Variants in PDE7B observed in about 807,000 individuals in gnomAD.
PDE7B encodes 3',5'-cyclic-AMP phosphodiesterase 7B.
PDE7B carries 29 observed loss-of-function variants against 56.2 expected under a neutral mutation model. That is an observed-to-expected ratio of 0.52 (90% CI 0.38 to 0.70). The LOEUF (loss-of-function observed/expected upper bound fraction) is 0.70, where lower values mean the gene tolerates loss of function less well. PDE7B is among the 30% of genes least tolerant of loss of function. PDE7B has a pLI of 0.00. For missense variants in PDE7B, 490 were observed against 565.0 expected (o/e 0.87, Z 1.35); for synonymous variants, 197 against 196.9 (o/e 1.00, Z 0.00).
intron 2 of PDE7B, among the ~76,000 whole-genome samples, chr6:135,955,959 C>G (rs1041032843): frequency 4.6e-5 from 7 of 152,114 alleles, no homozygotes; most frequent in African/African-American, 1.7e-4. Context: ...AGGAACTTTC[C>G]ACTGCAGCAC....
intron 2 of PDE7B, among the ~76,000 whole-genome samples, chr6:136,068,736 G>A (rs988434993): frequency 6.6e-6 from 1 of 152,086 alleles, no homozygotes; most frequent in Non-Finnish European, 1.5e-5. Context: ...CGGCCTTCAA[G>A]ATTCTTATTA....
chr6:136,177,349 A>T (rs569072153), intron 9 of PDE7B, among the ~76,000 whole-genome samples: 5 of 152,228 alleles, frequency 3.3e-5, no homozygotes, highest in African/African-American at 1.2e-4. Context: ...AGACTTCATC[A>T]ATAGACATCA....
In PDE7B at chr6:136,118,528, A is replaced by G. The variant is rs377152100; in HGVS notation, c.166+9714A>G. 6.7e-4 allele frequency among the ~76,000 whole-genome samples: 102 copies of G among 152,348 alleles called. 3 individuals carry two copies. The South Asian group carries it at 0.021, about 32-fold the overall frequency. On this transcript the variant is annotated intron_variant, in intron 3 of 12. Coordinates refer to ENST00000308191, the MANE Select transcript of PDE7B (RefSeq NM_018945.4). ...ATAAACACCCTATAAAGTAGCCACT[A>G]CTATTACAGATGAGGAAACTGAGAC...
chr6:136,065,220 T>G (rs1776913274), intron 2 of PDE7B, among the ~76,000 whole-genome samples: 1 of 152,184 alleles, frequency 6.6e-6, no homozygotes, highest in South Asian at 2.1e-4. Context: ...TAAAATTATG[T>G]TATTAACCAT....
chr6:136,071,241 A>T (rs1777045403), intron 2 of PDE7B: 1 of 152,200 alleles, frequency 6.6e-6, no homozygotes, highest in Non-Finnish European at 1.5e-5. Flanking sequence ...TTAATGTGCC[A>T]TTTCCACTGT....
intron 5 of PDE7B, among the ~76,000 whole-genome samples, 156 bp from the exon 6 acceptor site, chr6:136,151,004 G>A (rs1164506164): frequency 6.6e-6 from 1 of 151,758 alleles, no homozygotes; most frequent in East Asian, 1.9e-4. Flanking sequence ...TCAGATCATA[G>A]TAATAATATG....
chr6:135,979,342 T>A (rs1775251652), intron 2 of PDE7B, among the ~76,000 whole-genome samples: 1 of 151,924 alleles, frequency 6.6e-6, no homozygotes, highest in Admixed American at 6.6e-5. Context: ...AATTCCCTTT[T>A]GTGGTTGTGT....
At chr6:135,878,359 A>G (rs966619396) in intron 1 of PDE7B, among the ~76,000 whole-genome samples, 5 of 152,168 alleles carry the variant, frequency 3.3e-5, no homozygotes, top group African/African-American at 1.2e-4. Flanking sequence ...AACTTTCAAA[A>G]TATTTTAATG....
chr6:135,992,328 C>T (rs1217442163), intron 2 of PDE7B, among the ~76,000 whole-genome samples: 10 of 152,260 alleles, frequency 6.6e-5, no homozygotes, highest in African/African-American at 2.4e-4. Flanking sequence ...ACGGATGGGA[C>T]TAGCTTGTTC....
At chr6:136,055,986 A>G (rs1309246322) in intron 2 of PDE7B, among the ~76,000 whole-genome samples, 2 of 152,252 alleles carry the variant, frequency 1.3e-5, no homozygotes, top group African/African-American at 4.8e-5. Context: ...TATAATTTCC[A>G]AAGTAACACC....
chr6:136,183,355 A>G (rs903602060), intron 11 of PDE7B, among the ~76,000 whole-genome samples: 10 of 152,104 alleles, frequency 6.6e-5, no homozygotes, highest in Middle Eastern at 3.2e-3. Context: ...AGACTTTGGG[A>G]GGCCAAGGCG....
At chr6:136,039,127 G>A (rs562442902) in intron 2 of PDE7B, among the ~76,000 whole-genome samples, 1 of 152,142 alleles carries the variant, frequency 6.6e-6, no homozygotes, top group African/African-American at 2.4e-5. Context: ...TCACAAATGT[G>A]GAAATAATGA....
intron 8 of PDE7B, among the ~76,000 whole-genome samples, chr6:136,161,523 G>T (rs183481270): frequency 1.3e-5 from 2 of 152,122 alleles, no homozygotes; most frequent in Non-Finnish European, 2.9e-5. Context: ...ATTGCATCTT[G>T]GAATTGACAA....
At chr6:135,913,368 C>A (rs1343315099) in intron 1 of PDE7B, among the ~76,000 whole-genome samples, 7 of 152,160 alleles carry the variant, frequency 4.6e-5, no homozygotes, top group Non-Finnish European at 1.0e-4. Flanking sequence ...CACCTGCTTG[C>A]TAAGGCCCAG....
intron 12 of PDE7B, among the ~76,000 whole-genome samples, chr6:136,187,854 T>C (rs1779165731): frequency 6.6e-6 from 1 of 152,214 alleles, no homozygotes; most frequent in Non-Finnish European, 1.5e-5. Context: ...TCCACCCACC[T>C]TTAAAGCAAG....
chr6:135,928,311 A>C (rs1774224119), intron 1 of PDE7B, among the ~76,000 whole-genome samples: 1 of 150,742 alleles, frequency 6.6e-6, no homozygotes, highest in African/African-American at 2.4e-5. Flanking sequence ...AGGAAAATAA[A>C]TCTTTCTACC....
At position 136,171,892 on chromosome 6, in the gene PDE7B, G is replaced by GT. The variant is rs563898028; in HGVS notation, c.712-1899dup. Among the ~76,000 whole-genome samples the GT allele has an allele frequency of 3.3e-4, 50 of 150,292 alleles. No homozygotes were observed. In the East Asian group the frequency reaches 9.9e-3, roughly 30 times the overall value. ...TATGAGTGAGAATATGCAGTGTTTG[G>GT]TTTTTTGTTCTTGCGATAGTTTACT... is the stretch of plus-strand genomic sequence containing the variant. On this transcript the variant is annotated intron_variant, in intron 8 of 12. Transcript: ENST00000308191.
At chr6:136,106,819 C>A (rs1777651963) in intron 2 of PDE7B, among the ~76,000 whole-genome samples, 1 of 152,126 alleles carries the variant, frequency 6.6e-6, no homozygotes, top group Non-Finnish European at 1.5e-5. Flanking sequence ...GGTAGCTTTC[C>A]TTTATTGACC....
chr6:136,068,419 A>G (rs1029362597), intron 2 of PDE7B, among the ~76,000 whole-genome samples: 2 of 134,830 alleles, frequency 1.5e-5, no homozygotes, highest in Non-Finnish European at 3.1e-5. Context: ...GGAGACCAAG[A>G]TTCCTTTTTT....
Sources: allele counts gnomAD v4.1 joint callset (sites outside exome capture counted in the v4.1 genomes callset), GRCh38; gene constraint gnomAD v4.1.1; transcripts MANE v1.5; gene names NCBI Gene and HGNC (gene_info 2026-07-23, HGNC 2026-07-21).